Variants in SPIRE1 observed in about 807,000 individuals in gnomAD.
SPIRE1 encodes protein spire homolog 1.
SPIRE1 carries 40 observed loss-of-function variants against 94.1 expected under a neutral mutation model. The ratio of observed to expected loss-of-function variants is 0.43; its 90% CI spans 0.33 to 0.55. The LOEUF (loss-of-function observed/expected upper bound fraction) is 0.55. Among genes scored for constraint, SPIRE1 ranks in the 20% least tolerant of loss-of-function variants. The pLI, the probability that SPIRE1 is intolerant of heterozygous loss-of-function variation, is 0.06. For synonymous variants in SPIRE1, 376 were observed against 371.7 expected, an observed-to-expected ratio of 1.01 and a Z score of -0.13; for missense variants, 838 against 975.2, an observed-to-expected ratio of 0.86 and a Z score of 1.87.
In SPIRE1 at chr18:12,546,689, A is replaced by G. The variant is rs1394945759; in HGVS notation, c.588T>C (p.Tyr196=). ...GCTGCCTTACCTTCATGACATCTCT[A>G]TATGACCGAATAGCTGAGATTTTTC... ...EKRKISAIRS[Y]RDVMKLCAAH... Residue 196 remains tyrosine, a synonymous_variant, in exon 3 of 17, where the codon TAT becomes TAC. Coordinates refer to ENST00000409402, the MANE Select transcript of SPIRE1 (RefSeq NM_001128626.2). The G allele has an allele frequency of 1.2e-6, 2 of 1,613,526 alleles. No homozygotes were observed. The highest frequency in any genetic ancestry group is 2.2e-5 in the East Asian group (1 of 44,886).
chr18:12,470,896 G>A (rs533198728), intron 10 of SPIRE1, among the ~76,000 whole-genome samples: 12 of 151,838 alleles, frequency 7.9e-5, no homozygotes, highest in Non-Finnish European at 1.2e-4. Context: ...AAAGCCTCTC[G>A]CACTGCTGCT....
At chr18:12,516,766 C>G (rs919987680) in intron 4 of SPIRE1, among the ~76,000 whole-genome samples, 2 of 152,102 alleles carry the variant, frequency 1.3e-5, no homozygotes, top group Admixed American at 1.3e-4. Context: ...TGCTTCAATG[C>G]CCCCCAAAAC....
At chr18:12,571,308 C>G (rs1350611014) in intron 2 of SPIRE1, among the ~76,000 whole-genome samples, 2 of 152,134 alleles carry the variant, frequency 1.3e-5, no homozygotes, top group Admixed American at 1.3e-4. Context: ...CTCTTGACCT[C>G]AAGTGATCCG....
intron 2 of SPIRE1, among the ~76,000 whole-genome samples, chr18:12,562,778 G>A (rs1000968643): frequency 6.6e-6 from 1 of 151,744 alleles, no homozygotes; most frequent in Non-Finnish European, 1.5e-5. Flanking sequence ...CCAACGTGCT[G>A]GGATTACAGG....
Position 12,526,595 on chromosome 18 carries a change from T to C in SPIRE1, c.729+8881A>G, listed in dbSNP as rs139344278. ...AAACATGGCTTCTGTGAGGACTCAATGAATATTAATGCACATAAAGTCAGA... is the reference window on the plus strand; with the variant it reads ...AAACATGGCTTCTGTGAGGACTCAACGAATATTAATGCACATAAAGTCAGA... On this transcript the variant is annotated intron_variant, in intron 4 of 16. Coordinates refer to ENST00000409402, the MANE Select transcript of SPIRE1 (RefSeq NM_001128626.2). Among the ~76,000 whole-genome samples, 391 of 152,278 alleles carry C rather than the reference T, an allele frequency of 2.6e-3. 1 individual carries two copies. Among genetic ancestry groups the C allele is most frequent in the African/African-American group, 9.0e-3 (375 of 41,558 alleles).
At chr18:12,452,414 C>G in intron 15 of SPIRE1, 23 bp from the exon 16 acceptor site, 1 of 1,614,070 alleles carries the variant, frequency 6.2e-7, no homozygotes, top group Non-Finnish European at 8.5e-7. Flanking sequence ...ATAAAACTGG[C>G]AATGAGCAGT....
chr18:12,486,346 A>C (rs940430726), intron 8 of SPIRE1, among the ~76,000 whole-genome samples: 1 of 152,248 alleles, frequency 6.6e-6, no homozygotes, highest in African/African-American at 2.4e-5. Flanking sequence ...CATGTTTTAA[A>C]ACATGATTTT....
chr18:12,515,036 T>C (rs1478114893), intron 4 of SPIRE1, among the ~76,000 whole-genome samples: 2 of 151,912 alleles, frequency 1.3e-5, no homozygotes, highest in African/African-American at 4.8e-5. Flanking sequence ...GAATGTGGGG[T>C]GGGGCTGACA....
intron 2 of SPIRE1, among the ~76,000 whole-genome samples, chr18:12,594,877 T>G (rs563412480): frequency 1.3e-5 from 2 of 152,324 alleles, no homozygotes; most frequent in South Asian, 4.1e-4. Flanking sequence ...CTCAGACTAT[T>G]CAATGCAAAG....
At chr18:12,554,296 C>CAA (rs35637714) in intron 2 of SPIRE1, among the ~76,000 whole-genome samples, 93 of 56,270 alleles carry the variant, frequency 1.7e-3, no homozygotes, top group African/African-American at 2.2e-3. Context: ...AGACTCTGTT[C>CAA]AAAAAAAAAA....
chr18:12,651,867 A>T lies in SPIRE1; in HGVS notation c.337+5663T>A, dbSNP rs537147046. Among the ~76,000 whole-genome samples the T allele has an allele frequency of 2.0e-5, 3 of 152,300 alleles. No individual in the cohort carries two copies. In the South Asian group the frequency reaches 6.2e-4, roughly 32 times the overall value. ...CAAAGCCTGAATGTTCCCTATACCA[A>T]GAAACCATTCTCAAGGGATCCCTTT... On this transcript the variant is annotated intron_variant, in intron 1 of 16. Coordinates refer to ENST00000409402, the MANE Select transcript of SPIRE1 (RefSeq NM_001128626.2).
At chr18:12,574,185 T>C (rs2036032675) in intron 2 of SPIRE1, among the ~76,000 whole-genome samples, 1 of 152,250 alleles carries the variant, frequency 6.6e-6, no homozygotes, top group Non-Finnish European at 1.5e-5. Flanking sequence ...GAATTCTCTA[T>C]ACTTTCTGAA....
At chr18:12,512,403 T>G in intron 5 of SPIRE1, 51 bp downstream of exon 5, 2 of 1,338,124 alleles carry the variant, frequency 1.5e-6, no homozygotes, top group Non-Finnish European at 2.1e-6. Flanking sequence ...AAAAAAAAAT[T>G]ATACTATTTC....
intron 2 of SPIRE1, among the ~76,000 whole-genome samples, chr18:12,576,656 A>G (rs542530643): frequency 5.4e-4 from 81 of 151,168 alleles, no homozygotes; most frequent in Non-Finnish European, 8.1e-4. Context: ...TTGGGAGGCC[A>G]AGGCGGGCAG....
intron 4 of SPIRE1, among the ~76,000 whole-genome samples, chr18:12,513,508 T>TA (rs2034102518): frequency 6.7e-6 from 1 of 149,954 alleles, no homozygotes; most frequent in South Asian, 2.1e-4. Context: ...TTTATTTATT[T>TA]ATTTATTTAT....
At chr18:12,584,441 A>G (rs1425465945) in intron 2 of SPIRE1, among the ~76,000 whole-genome samples, 1 of 152,188 alleles carries the variant, frequency 6.6e-6, no homozygotes, top group African/African-American at 2.4e-5. Flanking sequence ...AGAAAAAAAA[A>G]AGAAAAATGA....
At chr18:12,648,256 G>A (rs915127024) in intron 1 of SPIRE1, among the ~76,000 whole-genome samples, 6 of 152,114 alleles carry the variant, frequency 3.9e-5, no homozygotes, top group African/African-American at 1.2e-4. Context: ...ATTAAAAAAA[G>A]GTAAAAATAG....
At chr18:12,482,315 T>C (rs2032872407) in intron 9 of SPIRE1, among the ~76,000 whole-genome samples, 1 of 152,084 alleles carries the variant, frequency 6.6e-6, no homozygotes, top group Non-Finnish European at 1.5e-5. Context: ...GCTAATTTTT[T>C]TGTATTTTTA....
At chr18:12,602,608 C>T (rs1011126841) in intron 2 of SPIRE1, among the ~76,000 whole-genome samples, 6 of 152,088 alleles carry the variant, frequency 3.9e-5, no homozygotes, top group South Asian at 4.1e-4. Flanking sequence ...AAAAATGCTG[C>T]AGTATAATAA....
Sources: gnomAD v4.1 joint callset for allele counts (sites outside exome capture counted in the v4.1 genomes callset) on GRCh38, gnomAD v4.1.1 for gene constraint, MANE v1.5 for transcripts, NCBI Gene and HGNC (gene_info 2026-07-23, HGNC 2026-07-21) for gene names.